Variants in NDUFAF6 observed in about 807,000 individuals in gnomAD.
The protein encoded by NDUFAF6 is NADH dehydrogenase (ubiquinone) complex I, assembly factor 6.
Under a neutral mutation model 40.8 loss-of-function variants are expected in NDUFAF6, and 45 were observed. That is an observed-to-expected ratio of 1.10 (90% CI 0.87 to 1.42). The LOEUF is 1.42. Among genes scored for constraint, NDUFAF6 ranks in the 40% most tolerant of loss-of-function variants. NDUFAF6 has a pLI of 0.00. For missense variants in NDUFAF6, 435 were observed against 418.5 expected, an observed-to-expected ratio of 1.04 and a Z score of -0.34; for synonymous variants, 185 against 155.9, an observed-to-expected ratio of 1.19 and a Z score of -1.39.
intron 1 of NDUFAF6, chr8:94,895,938 A>T (rs1320921017): frequency 2.0e-5 from 3 of 152,376 alleles, no homozygotes; most frequent in Non-Finnish European, 4.4e-5. Context: ...GTATGTATCA[A>T]CCCTGCTTTC....
intron 1 of NDUFAF6, among the ~76,000 whole-genome samples, chr8:94,921,231 C>T (rs995543760): frequency 6.6e-6 from 1 of 152,232 alleles, no homozygotes; most frequent in African/African-American, 2.4e-5. Context: ...ACTTCCCCCA[C>T]TTGTGGAGCA....
At chr8:94,953,175 C>A (rs1015397718), upstream of NDUFAF6, among the ~76,000 whole-genome samples, 11 of 152,072 alleles carry the variant, frequency 7.2e-5, no homozygotes, top group African/African-American at 2.7e-4. Context: ...TGGAGAAACC[C>A]CGTCTCTACT....
chr8:95,043,937 A>G (rs1008921582), intron 4 of NDUFAF6, among the ~76,000 whole-genome samples: 1 of 152,250 alleles, frequency 6.6e-6, no homozygotes, highest in African/African-American at 2.4e-5. Flanking sequence ...GAACTTGTAT[A>G]TGAATGTTTG....
At chr8:95,011,880 AT>A (rs1339077882) in intron 2 of NDUFAF6, among the ~76,000 whole-genome samples, 1 of 152,192 alleles carries the variant, frequency 6.6e-6, no homozygotes, top group Non-Finnish European at 1.5e-5. Flanking sequence ...ACTTCTGAGT[AT>A]TTGTTTAAAA....
chr8:94,983,316 G>A (rs1398069342), intron 2 of NDUFAF6, among the ~76,000 whole-genome samples: 1 of 139,154 alleles, frequency 7.2e-6, no homozygotes, highest in Non-Finnish European at 1.5e-5. Context: ...CCAGACTGGA[G>A]TGCAATGGCA....
chr8:94,941,048 G>A (rs925130920), intron 1 of NDUFAF6: 1 of 752,214 alleles, frequency 1.3e-6, no homozygotes, highest in Non-Finnish European at 2.2e-6. Context: ...AAGTGCACAG[G>A]GTGCTTATTC....
At chr8:95,101,984 T>G (rs960727938) in intron 2 of NDUFAF6, among the ~76,000 whole-genome samples, 1 of 124,068 alleles carries the variant, frequency 8.1e-6, no homozygotes, top group Non-Finnish European at 1.6e-5. Flanking sequence ...AAAAGTGTAA[T>G]CTAAAAAAGT....
intron 9 of NDUFAF6, among the ~76,000 whole-genome samples, chr8:95,065,950 T>C (rs976910671): frequency 6.6e-6 from 1 of 152,342 alleles, no homozygotes; most frequent in African/African-American, 2.4e-5. Context: ...TTTAGTACTT[T>C]CATGTTTTCA....
intron 2 of NDUFAF6, chr8:95,033,923 T>C (rs1324914434): frequency 4.5e-6 from 2 of 448,524 alleles, no homozygotes; most frequent in African/African-American, 2.0e-5. Flanking sequence ...GGAGACACCA[T>C]TGAAATCACT....
chr8:95,044,069 G>T (rs1382804704), intron 4 of NDUFAF6, among the ~76,000 whole-genome samples: 1 of 152,092 alleles, frequency 6.6e-6, no homozygotes, highest in Non-Finnish European at 1.5e-5. Context: ...CAACTAAAAA[G>T]AATAAAGTAC....
chr8:94,914,103 CTTTTTTTTT>C (rs563687562), intron 1 of NDUFAF6, among the ~76,000 whole-genome samples: 3 of 98,196 alleles, frequency 3.1e-5, no homozygotes, highest in African/African-American at 1.2e-4. Context: ...GACCTTATCT[CTTTTTTTTT>C]TTTTTTTTTT....
chr8:95,005,563 TTAACA>T (rs1181111605), intron 2 of NDUFAF6, among the ~76,000 whole-genome samples: 11 of 110,178 alleles, frequency 1.0e-4, no homozygotes, highest in Non-Finnish European at 1.8e-4. Flanking sequence ...AAAAAATATA[TTAACA>T]TAAATAATAT....
At chr8:95,032,310 G>A (rs946016903) in intron 2 of NDUFAF6, among the ~76,000 whole-genome samples, 12 of 152,124 alleles carry the variant, frequency 7.9e-5, no homozygotes, top group Non-Finnish European at 1.5e-5. Context: ...TGCCATTCTG[G>A]AATTTTTTAT....
intron 2 of NDUFAF6, among the ~76,000 whole-genome samples, chr8:95,095,135 TA>T (rs139359101): frequency 1.3e-5 from 2 of 151,670 alleles, no homozygotes; most frequent in Non-Finnish European, 2.9e-5. Flanking sequence ...GGAGAAAGAT[TA>T]AAAAAAGAAA....
At chr8:95,098,618 C>G (rs182943388), upstream of NDUFAF6, among the ~76,000 whole-genome samples, 3 of 152,136 alleles carry the variant, frequency 2.0e-5, no homozygotes, top group Non-Finnish European at 4.4e-5. Flanking sequence ...TGCAGTGAGC[C>G]GAGATCGCAC....
chr8:95,005,536 TATATATATATATATATAA>T (rs1430022216), intron 2 of NDUFAF6, among the ~76,000 whole-genome samples: 2 of 132,890 alleles, frequency 1.5e-5, no homozygotes, highest in Admixed American at 7.6e-5. Context: ...AATATATATA[TATATATATATATATATAA>T]AAAATATATT....
chr8:95,057,877 G>A lies in NDUFAF6; in HGVS notation c.942G>A (p.Gln314=), dbSNP rs1554684085. ...VDFDIFHPSL[Q]QKNTLLPLYL... Reference sequence around the variant, plus strand: ...TTGATATATTCCACCCATCTTTACAGCAGAAGAATACATTACTTCCATTAT... The same window carrying A: ...TTGATATATTCCACCCATCTTTACAACAGAAGAATACATTACTTCCATTAT... Residue 314 remains glutamine, a synonymous_variant, in exon 9 of 9, where the codon CAG becomes CAA. Transcript: ENST00000396124. The A allele has an allele frequency of 1.9e-6, 3 of 1,599,498 alleles. No individual in the cohort carries two copies. The highest frequency in any genetic ancestry group is 2.6e-6 in the Non-Finnish European group (3 of 1,167,346).
intron 1 of NDUFAF6, among the ~76,000 whole-genome samples, chr8:94,918,165 C>T (rs1369144260): frequency 6.6e-6 from 1 of 152,186 alleles, no homozygotes; most frequent in Admixed American, 6.5e-5. Flanking sequence ...ACCAATCTGA[C>T]TCCCTTCCTG....
chr8:94,980,496 TG>T, intron 1 of NDUFAF6, among the ~76,000 whole-genome samples: 1 of 142,552 alleles, frequency 7.0e-6, no homozygotes, highest in South Asian at 2.2e-4. Context: ...TGAACTGGAG[TG>T]CAGTGGTGTG....
Sources: gnomAD v4.1 joint callset for allele counts (sites outside exome capture counted in the v4.1 genomes callset) on GRCh38, gnomAD v4.1.1 for gene constraint, MANE v1.5 for transcripts, NCBI Gene and HGNC (gene_info 2026-07-23, HGNC 2026-07-21) for gene names.